The following NT5DC4 variants were observed in gnomAD, a reference collection of about 807,000 sequenced individuals.
The protein encoded by NT5DC4 is 5'-nucleotidase domain-containing protein 4.
Under a neutral mutation model 26.6 loss-of-function variants are expected in NT5DC4, and 44 were observed. That is an observed-to-expected ratio of 1.65 (90% CI 1.30 to 2.13). The LOEUF (loss-of-function observed/expected upper bound fraction) is 2.13, where lower values mean the gene tolerates loss of function less well. Ranked by LOEUF, NT5DC4 falls within the 30% of genes most tolerant of loss-of-function variation. The pLI, the probability that NT5DC4 is intolerant of heterozygous loss-of-function variation, is 0.00. For synonymous variants in NT5DC4, 157 were observed against 86.7 expected, an observed-to-expected ratio of 1.81 and a Z score of -4.51; for missense variants, 399 against 228.1, an observed-to-expected ratio of 1.75 and a Z score of -4.83.
At chr2:112,721,461 G>C (rs1261631385) in intron 1 of NT5DC4, 3 of 717,704 alleles carry the variant, frequency 4.2e-6, no homozygotes, top group Non-Finnish European at 7.8e-6. Flanking sequence ...TTGGACACTG[G>C]GGTCCCATTT....
intron 1 of NT5DC4, among the ~76,000 whole-genome samples, 121 bp downstream of exon 1, chr2:112,721,274 A>G (rs987882068): frequency 6.6e-6 from 1 of 152,246 alleles, no homozygotes; most frequent in Non-Finnish European, 1.5e-5. Context: ...ATGCAGACGT[A>G]CACTTGCACT....
chr2:112,719,985 T>TTCC (rs1491360360), upstream of NT5DC4, among the ~76,000 whole-genome samples: 5 of 130,882 alleles, frequency 3.8e-5, no homozygotes, highest in African/African-American at 1.3e-4. Context: ...TTTCTTTCTT[T>TTCC]CTTTTTCTTT....
At chr2:112,724,538 T>G in intron 10 of NT5DC4, 1 of 583,230 alleles carries the variant, frequency 1.7e-6, no homozygotes, top group East Asian at 2.9e-5. Flanking sequence ...TGTGAGGAGC[T>G]CTGGAGCCTG....
In NT5DC4 at chr2:112,722,241, G is replaced by T. The variant is rs1450738581; in HGVS notation, c.325G>T (p.Val109Leu). The T allele has an allele frequency of 2.8e-6, 2 of 716,974 alleles. No homozygotes were observed. The highest frequency in any genetic ancestry group is 5.2e-6 in the Non-Finnish European group (2 of 385,098). 44.4% of individuals were successfully genotyped at this position (716,974 alleles called of 1,614,324 possible). The change falls in exon 4 of 17, where the codon GTG (valine) becomes TTG (leucine). Residue 109 changes from valine (V) to leucine (L), a missense_variant. Physicochemically the swap from Val to Leu is conservative, Grantham distance 32. Transcript: ENST00000688554. ...GCTGAAGGTGGACGCCCACGGGAAT[G>T]TGCTGCTGGGTGCCTATGGCTTCAC... ...NLLKVDAHGNVLLGAYGFTFL... is the reference protein window; with the variant it reads ...NLLKVDAHGNLLLGAYGFTFL...
chr2:112,732,335 T>C (rs1479884934), intron 16 of NT5DC4, among the ~76,000 whole-genome samples: 1 of 152,172 alleles, frequency 6.6e-6, no homozygotes, highest in South Asian at 2.1e-4. Context: ...GGTTCTCCAG[T>C]AAATCCCAGG....
At chr2:112,721,759 G>A (rs1558719298) in intron 1 of NT5DC4, 59 bp from the exon 2 acceptor site, 3 of 716,954 alleles carry the variant, frequency 4.2e-6, no homozygotes, top group Non-Finnish European at 2.6e-6. Flanking sequence ...CTCTGTCCTT[G>A]GGCCTTGGAT....
At chr2:112,740,503 T>TC (rs1256144507), downstream of NT5DC4, among the ~76,000 whole-genome samples, 2 of 152,238 alleles carry the variant, frequency 1.3e-5, no homozygotes, top group African/African-American at 2.4e-5. Flanking sequence ...GTATTCACTG[T>TC]CCCTTTTCTC....
chr2:112,728,502 C>A (rs908551), intron 15 of NT5DC4, among the ~76,000 whole-genome samples: 1 of 151,926 alleles, frequency 6.6e-6, no homozygotes, highest in Non-Finnish European at 1.5e-5. Flanking sequence ...GGAACCTGCA[C>A]GTGTCAGTCC....
upstream of NT5DC4, among the ~76,000 whole-genome samples, chr2:112,719,989 T>TTCCC (rs1223525604): frequency 3.1e-4 from 33 of 105,670 alleles, no homozygotes; most frequent in Middle Eastern, 4.8e-3. Flanking sequence ...TTTCTTTCTT[T>TTCCC]TTCTTTTCTT....
chr2:112,730,819 G>A (rs1383477474), intron 16 of NT5DC4, among the ~76,000 whole-genome samples: 2 of 152,176 alleles, frequency 1.3e-5, no homozygotes. Flanking sequence ...TCCTGCCTAG[G>A]AGAAGCTCAA....
At chr2:112,723,384 C>CACACACACACAT (rs1281748924) in intron 7 of NT5DC4, 34 bp from the exon 8 acceptor site, 2 of 715,312 alleles carry the variant, frequency 2.8e-6, no homozygotes, top group Non-Finnish European at 5.2e-6. Flanking sequence ...CACACACACA[C>CACACACACACAT]ACACACACAC....
At chr2:112,720,849 G>C (rs909072313), upstream of NT5DC4, among the ~76,000 whole-genome samples, 2 of 152,178 alleles carry the variant, frequency 1.3e-5, no homozygotes, top group African/African-American at 2.4e-5. Flanking sequence ...GACATGAATT[G>C]CTCTTCCTAG....
At chr2:112,734,187 G>A (rs1678802846) in intron 16 of NT5DC4, among the ~76,000 whole-genome samples, 2 of 151,904 alleles carry the variant, frequency 1.3e-5, no homozygotes, top group Admixed American at 1.3e-4. Context: ...GTGTGTGTGT[G>A]TGTGTGTGTG....
chr2:112,736,099 G>GA lies in NT5DC4; in HGVS notation c.1345-2807dup, dbSNP rs1351930930. On this transcript the variant is annotated intron_variant, in intron 16 of 16. Transcript: ENST00000688554. ...CAAAGATGGACCACTCTAGAAGCCA[G>GA]AAAAAAAGTAAGTGCACAAGCAATG... Among the ~76,000 whole-genome samples the GA allele has an allele frequency of 2.6e-5, 4 of 152,162 alleles. No individual in the cohort carries two copies. The East Asian group carries it at 7.7e-4, about 29-fold the overall frequency.
At chr2:112,721,790 A>C in intron 1 of NT5DC4, 28 bp from the exon 2 acceptor site, 1 of 717,118 alleles carries the variant, frequency 1.4e-6, no homozygotes, top group South Asian at 1.5e-5. Flanking sequence ...TGGTGGACTG[A>C]TGCCAACATC....
At chr2:112,740,919 A>G, downstream of NT5DC4, 1 of 1,614,068 alleles carries the variant, frequency 6.2e-7, no homozygotes, top group East Asian at 2.2e-5. Context: ...CTTTTGGAGA[A>G]AGACAAGACT....
chr2:112,728,917 C>A (rs369795040), intron 15 of NT5DC4, among the ~76,000 whole-genome samples: 13 of 152,136 alleles, frequency 8.5e-5, no homozygotes, highest in African/African-American at 3.1e-4. Context: ...TGGCTTTCAC[C>A]GGGCGGCCTC....
intron 16 of NT5DC4, among the ~76,000 whole-genome samples, chr2:112,735,563 A>T (rs1679049077): frequency 6.6e-6 from 1 of 150,946 alleles, no homozygotes; most frequent in Admixed American, 6.6e-5. Flanking sequence ...CATTAGACTT[A>T]TTTTTGCAAA....
chr2:112,726,157 G>A (rs1265777980), intron 13 of NT5DC4, 81 bp from the exon 14 acceptor site: 9 of 712,930 alleles, frequency 1.3e-5, no homozygotes, highest in Non-Finnish European at 2.1e-5. Context: ...CCTCCGCTGG[G>A]CCAGGGCAGA....
Sources: gnomAD v4.1 joint callset for allele counts (sites outside exome capture counted in the v4.1 genomes callset) on GRCh38, gnomAD v4.1.1 for gene constraint, MANE v1.5 for transcripts, NCBI Gene and HGNC (gene_info 2026-07-23, HGNC 2026-07-21) for gene names.